Variants in GPHN observed in about 807,000 individuals in gnomAD.
GPHN encodes the protein gephyrin.
A neutral mutation model predicts 95.5 loss-of-function variants in GPHN; 17 were observed. The ratio of observed to expected loss-of-function variants is 0.18; its 90% CI spans 0.12 to 0.27. GPHN has a LOEUF of 0.27. Among genes scored for constraint, GPHN ranks in the 10% least tolerant of loss-of-function variants. The probability of loss-of-function intolerance (pLI) is 1.00; values close to 1 mark genes in which losing one functional copy is unlikely to be tolerated. For missense variants in GPHN, 660 were observed against 978.1 expected, an observed-to-expected ratio of 0.67 and a Z score of 4.34; for synonymous variants, 320 against 322.5, an observed-to-expected ratio of 0.99 and a Z score of 0.08.
At chr14:66,625,839 T>G (rs2063506636) in intron 1 of GPHN, among the ~76,000 whole-genome samples, 1 of 152,212 alleles carries the variant, frequency 6.6e-6, no homozygotes, top group South Asian at 2.1e-4. Flanking sequence ...GATTCTTATA[T>G]GCAGATTTAT....
At chr14:67,387,670 A>G in the GPHN span, among the ~76,000 whole-genome samples, 2 of 152,198 alleles carry the variant, frequency 1.3e-5, no homozygotes, top group Non-Finnish European at 2.9e-5. Context: ...TCCAATGGTT[A>G]TGTCTGGATA....
At chr14:67,009,844 C>T (rs1184215377) in intron 9 of GPHN, among the ~76,000 whole-genome samples, 1 of 152,048 alleles carries the variant, frequency 6.6e-6, no homozygotes, top group East Asian at 2.0e-4. Flanking sequence ...CTGCAACCTC[C>T]ACCTCCCAGG....
the GPHN span, chr14:67,585,779 G>A: frequency 1.1e-5 from 11 of 992,392 alleles, no homozygotes; most frequent in African/African-American, 1.6e-5. Context: ...TCCTGCCCAA[G>A]CACCAGTCCT....
intron 4 of GPHN, among the ~76,000 whole-genome samples, chr14:66,867,517 C>T (rs1340603120): frequency 6.6e-6 from 1 of 152,082 alleles, no homozygotes; most frequent in East Asian, 1.9e-4. Context: ...AACTTTTATC[C>T]ACTACATGAT....
At chr14:67,069,592 A>G (rs532626725) in intron 11 of GPHN, among the ~76,000 whole-genome samples, 24 of 152,318 alleles carry the variant, frequency 1.6e-4, no homozygotes, top group Admixed American at 3.3e-4. Context: ...AAGTGGAAAA[A>G]CAAAGAACCT....
the GPHN span, chr14:67,662,496 T>C: frequency 6.2e-6 from 10 of 1,612,368 alleles, no homozygotes; most frequent in Non-Finnish European, 8.5e-6. Context: ...TGCTTCCTGT[T>C]GCTTTTCATC....
intron 2 of GPHN, among the ~76,000 whole-genome samples, chr14:66,735,305 C>T (rs1300788410): frequency 6.6e-6 from 1 of 152,048 alleles, no homozygotes; most frequent in African/African-American, 2.4e-5. Flanking sequence ...GATGATGTCA[C>T]ATCTTTATGA....
the GPHN span, among the ~76,000 whole-genome samples, chr14:67,686,637 G>GC: frequency 7.6e-4 from 20 of 26,358 alleles, no homozygotes; most frequent in African/African-American, 2.5e-3. Context: ...AGACACCGGT[G>GC]CAAAAAAAAA....
chr14:66,777,954 G>A (rs2059445544), intron 3 of GPHN, among the ~76,000 whole-genome samples: 2 of 152,118 alleles, frequency 1.3e-5, no homozygotes, highest in African/African-American at 2.4e-5. Context: ...ATTCAACATA[G>A]TGTTGGAAGT....
chr14:67,491,879 G>A, the GPHN span, among the ~76,000 whole-genome samples: 88 of 152,340 alleles, frequency 5.8e-4, no homozygotes, highest in Middle Eastern at 6.8e-3. Flanking sequence ...AGGAAGCAAG[G>A]AGAGGCCCAG....
At chr14:67,087,602 G>A (rs886410037) in intron 11 of GPHN, among the ~76,000 whole-genome samples, 9 of 152,090 alleles carry the variant, frequency 5.9e-5, no homozygotes, top group Admixed American at 5.9e-4. Context: ...AAAGGGAAGA[G>A]TCAATATCAC....
At chr14:67,249,156 T>G in the GPHN span, among the ~76,000 whole-genome samples, 1 of 150,750 alleles carries the variant, frequency 6.6e-6, no homozygotes, top group Non-Finnish European at 1.5e-5. Flanking sequence ...GAGATGGGGC[T>G]TCACCATATT....
chr14:67,149,492 T>A (rs536208012), intron 18 of GPHN, among the ~76,000 whole-genome samples: 173 of 152,348 alleles, frequency 1.1e-3, no homozygotes, highest in African/African-American at 4.1e-3. Context: ...ACAAAAACTC[T>A]TAGGGATCCT....
Position 66,874,525 on chromosome 14 carries a change from A to C in GPHN, c.295-5414A>C, listed in dbSNP as rs139954959. ...AGAACCTTGAAAAAAGGTTAGAGGA[A>C]TTGGTAACTAGAATAACCAGTTTAG... On this transcript the variant is annotated intron_variant, in intron 4 of 22. Transcript: ENST00000478722. Among the ~76,000 whole-genome samples the C allele has an allele frequency of 3.0e-3, 456 of 152,340 alleles. 3 individuals carry two copies. The highest frequency in any genetic ancestry group is 0.011 in the African/African-American group (438 of 41,590).
At chr14:67,588,528 A>G in the GPHN span, 1 of 152,102 alleles carries the variant, frequency 6.6e-6, no homozygotes, top group East Asian at 1.9e-4. Flanking sequence ...TGATAATACC[A>G]TAATCCCCCT....
intron 1 of GPHN, among the ~76,000 whole-genome samples, chr14:66,622,711 C>G (rs1377917973): frequency 6.6e-6 from 1 of 152,168 alleles, no homozygotes; most frequent in Non-Finnish European, 1.5e-5. Flanking sequence ...AGCTGCCAGT[C>G]TCTTTGCCAA....
At chr14:67,451,515 G>C in the GPHN span, among the ~76,000 whole-genome samples, 1 of 152,222 alleles carries the variant, frequency 6.6e-6, no homozygotes, top group Non-Finnish European at 1.5e-5. Context: ...AGTGTGATCT[G>C]GATGTGAGAC....
intron 4 of GPHN, among the ~76,000 whole-genome samples, chr14:66,870,255 A>T (rs1166150793): frequency 6.6e-6 from 1 of 152,132 alleles, no homozygotes; most frequent in Non-Finnish European, 1.5e-5. Context: ...ACATCCACCT[A>T]CCCCAACCAA....
chr14:67,498,605 A>G, the GPHN span, among the ~76,000 whole-genome samples: 1 of 152,242 alleles, frequency 6.6e-6, no homozygotes, highest in Non-Finnish European at 1.5e-5. Flanking sequence ...CGAAGGAATG[A>G]GCAGAATTAG....
Sources: allele counts gnomAD v4.1 joint callset (sites outside exome capture counted in the v4.1 genomes callset), GRCh38; gene constraint gnomAD v4.1.1; transcripts MANE v1.5; gene names NCBI Gene and HGNC (gene_info 2026-07-23, HGNC 2026-07-21).